AFG2A: variants seen among roughly 807,000 people sequenced by gnomAD.
The protein encoded by AFG2A is ATPase family gene 2 protein homolog A.
At chr4:123,076,253 G>A in the AFG2A span, among the ~76,000 whole-genome samples, 1 of 152,050 alleles carries the variant, frequency 6.6e-6, no homozygotes, top group African/African-American at 2.4e-5. Context: ...GGGCGACAGT[G>A]AGACCCTGTC....
At chr4:122,987,596 T>G in the AFG2A span, among the ~76,000 whole-genome samples, 1 of 152,126 alleles carries the variant, frequency 6.6e-6, no homozygotes, top group Non-Finnish European at 1.5e-5. Flanking sequence ...ACATGATTTT[T>G]CTTTGTGATT....
chr4:122,936,388 T>C, the AFG2A span, among the ~76,000 whole-genome samples: 1 of 152,262 alleles, frequency 6.6e-6, no homozygotes, highest in Admixed American at 6.5e-5. Context: ...TGATAAGTCA[T>C]GTGACCTTGT....
the AFG2A span, among the ~76,000 whole-genome samples, chr4:122,964,501 C>CAAAAAAAA: frequency 7.9e-6 from 1 of 126,068 alleles, no homozygotes; most frequent in Non-Finnish European, 1.7e-5. Context: ...AAGACTGTCT[C>CAAAAAAAA]AAAAAAAAAA....
At chr4:123,086,274 G>A in the AFG2A span, among the ~76,000 whole-genome samples, 1 of 151,938 alleles carries the variant, frequency 6.6e-6, no homozygotes, top group East Asian at 1.9e-4. Flanking sequence ...CTTCATTTTT[G>A]AAGGATGTTT....
the AFG2A span, among the ~76,000 whole-genome samples, chr4:122,959,988 C>T: frequency 2.0e-5 from 3 of 152,220 alleles, no homozygotes; most frequent in Non-Finnish European, 4.4e-5. Context: ...GGGTGTGAAG[C>T]TTATTTTCAA....
chr4:123,313,947 T>C, the AFG2A span: 2 of 1,612,928 alleles, frequency 1.2e-6, no homozygotes, highest in African/African-American at 1.3e-5. Context: ...TTCAAGCCAA[T>C]CTCATCATGA....
chr4:123,059,818 G>A, the AFG2A span, among the ~76,000 whole-genome samples: 10 of 152,030 alleles, frequency 6.6e-5, no homozygotes, highest in African/African-American at 2.4e-4. Context: ...AGCACCTGTT[G>A]TTTCCTGACT....
At chr4:123,059,615 C>T in the AFG2A span, among the ~76,000 whole-genome samples, 19 of 151,218 alleles carry the variant, frequency 1.3e-4, no homozygotes, top group Non-Finnish European at 2.2e-4. Flanking sequence ...AATAAACATA[C>T]GTGTGCATGT....
At chr4:122,959,912 A>C in the AFG2A span, among the ~76,000 whole-genome samples, 1 of 152,190 alleles carries the variant, frequency 6.6e-6, no homozygotes, top group South Asian at 2.1e-4. Flanking sequence ...TACAATAGGA[A>C]GTGTTGCTTT....
At chr4:123,085,365 A>G in the AFG2A span, among the ~76,000 whole-genome samples, 2 of 152,102 alleles carry the variant, frequency 1.3e-5, no homozygotes, top group Non-Finnish European at 2.9e-5. Context: ...TTTTTGCCTC[A>G]CGTTTTGCTG....
chr4:123,318,776 A>ACAGTGTATGATCCTATTATTT, the AFG2A span: 1 of 57,366 alleles, frequency 1.7e-5, no homozygotes, highest in African/African-American at 3.7e-5. Flanking sequence ...AAAAAAAAAA[A>ACAGTGTATGATCCTATTATTT]GGGGGGAACA....
chr4:122,997,042 C>T, the AFG2A span, among the ~76,000 whole-genome samples: 1 of 152,154 alleles, frequency 6.6e-6, no homozygotes, highest in Non-Finnish European at 1.5e-5. Context: ...CTGGAAACAT[C>T]CTCACAGATA....
chr4:122,973,692 T>G, the AFG2A span, among the ~76,000 whole-genome samples: 1 of 152,210 alleles, frequency 6.6e-6, no homozygotes, highest in Non-Finnish European at 1.5e-5. Context: ...TCTTTGTACT[T>G]TACTTTTTTG....
the AFG2A span, among the ~76,000 whole-genome samples, chr4:123,202,248 A>G: frequency 0.02 from 3,004 of 152,252 alleles, 77 homozygotes; most frequent in East Asian, 0.15. Context: ...CAGAACAGTG[A>G]TCTCTGAACT....
the AFG2A span, among the ~76,000 whole-genome samples, chr4:123,236,122 A>T: frequency 6.6e-6 from 1 of 152,168 alleles, no homozygotes; most frequent in South Asian, 2.1e-4. Flanking sequence ...TGATAGATAC[A>T]CTCTCCTGAA....
At chr4:123,122,244 G>C in the AFG2A span, among the ~76,000 whole-genome samples, 2 of 152,126 alleles carry the variant, frequency 1.3e-5, no homozygotes, top group Admixed American at 1.3e-4. Flanking sequence ...CAGATATACA[G>C]ATACTCCTCA....
the AFG2A span, among the ~76,000 whole-genome samples, chr4:123,026,613 T>C: frequency 6.6e-6 from 1 of 152,246 alleles, no homozygotes; most frequent in African/African-American, 2.4e-5. Context: ...GTTTTTTAAA[T>C]TTGTACTGTA....
the AFG2A span, among the ~76,000 whole-genome samples, chr4:123,086,015 C>T: frequency 6.6e-6 from 1 of 151,974 alleles, no homozygotes; most frequent in African/African-American, 2.4e-5. Flanking sequence ...TCATTTTTGT[C>T]ATTCATTTCA....
chr4:123,088,519 GA>G, the AFG2A span, among the ~76,000 whole-genome samples: 1 of 152,170 alleles, frequency 6.6e-6, no homozygotes, highest in African/African-American at 2.4e-5. Context: ...AGAATCTTTT[GA>G]AGGATGTTGA....
Sources: gnomAD v4.1 joint callset for allele counts (sites outside exome capture counted in the v4.1 genomes callset) on GRCh38, gnomAD v4.1.1 for gene constraint, MANE v1.5 for transcripts, NCBI Gene and HGNC (gene_info 2026-07-23, HGNC 2026-07-21) for gene names.